The following ALG9 variants were observed in gnomAD, a reference collection of about 807,000 sequenced individuals.
ALG9 encodes the protein alpha-1,2-mannosyltransferase ALG9.
A neutral mutation model predicts 81.8 loss-of-function variants in ALG9; 55 were observed. The observed-to-expected ratio is 0.67, with a 90% confidence interval of 0.54 to 0.84. The LOEUF (loss-of-function observed/expected upper bound fraction) is 0.84. Ranked by LOEUF, ALG9 falls within the 40% of genes least tolerant of loss-of-function variation. ALG9 has a pLI of 0.00. For synonymous variants in ALG9, 278 were observed against 274.3 expected (o/e 1.01, Z -0.13); for missense variants, 629 against 745.0 (o/e 0.84, Z 1.81).
Position 111,800,932 on chromosome 11 carries a change from G to C in ALG9, c.1733+8711C>G, listed in dbSNP as rs535988511. On this transcript the variant is annotated intron_variant, in intron 14 of 14. Coordinates refer to ENST00000616540, the MANE Select transcript of ALG9 (RefSeq NM_024740.2). Reference sequence around the variant, plus strand: ...TAAAAAAAGCAGGGTTAGATTTTAGGAACTTAAACATTTGAGAAATTAACC... The same window carrying C: ...TAAAAAAAGCAGGGTTAGATTTTAGCAACTTAAACATTTGAGAAATTAACC... Among the ~76,000 whole-genome samples, 187 of 152,276 alleles carry C rather than the reference G, an allele frequency of 1.2e-3. 3 individuals are homozygous for C. Among genetic ancestry groups the C allele is most frequent in the Non-Finnish European group, 1.2e-3 (82 of 68,018 alleles).
intron 14 of ALG9, among the ~76,000 whole-genome samples, chr11:111,803,393 C>A (rs932675662): frequency 1.3e-5 from 2 of 151,216 alleles, no homozygotes; most frequent in Admixed American, 1.3e-4. Context: ...CCCAGTTACT[C>A]GGGTGGCTGA....
At chr11:111,844,089 C>A (rs1555126504) in intron 9 of ALG9, among the ~76,000 whole-genome samples, 1 of 152,168 alleles carries the variant, frequency 6.6e-6, no homozygotes, top group African/African-American at 2.4e-5. Context: ...ACTACAACCT[C>A]TGCCTCCTGG....
chr11:111,870,107 T>G (rs1258324035), intron 2 of ALG9, 125 bp downstream of exon 2: 17 of 1,208,848 alleles, frequency 1.4e-5, no homozygotes, highest in Middle Eastern at 2.9e-4. Context: ...TTTTTGTTTT[T>G]TTTTTTAAGA....
intron 14 of ALG9, among the ~76,000 whole-genome samples, chr11:111,794,340 G>A (rs1479814434): frequency 2.6e-5 from 4 of 152,152 alleles, no homozygotes; most frequent in African/African-American, 4.8e-5. Context: ...CTGGAGTGCA[G>A]TGGCATGATC....
chr11:111,793,412 GTTATA>G (rs1479825072), intron 14 of ALG9, among the ~76,000 whole-genome samples: 1 of 152,118 alleles, frequency 6.6e-6, no homozygotes, highest in Non-Finnish European at 1.5e-5. Context: ...ATTTTGAATT[GTTATA>G]TTGTATTGTT....
intron 13 of ALG9, among the ~76,000 whole-genome samples, chr11:111,817,989 G>C (rs1951775569): frequency 6.6e-6 from 1 of 152,048 alleles, no homozygotes; most frequent in African/African-American, 2.4e-5. Context: ...ATGTTGATCA[G>C]GCTGGTCTCA....
intron 13 of ALG9, chr11:111,817,180 T>A (rs782518474): frequency 7.2e-5 from 11 of 152,142 alleles, no homozygotes; most frequent in Non-Finnish European, 1.6e-4. Context: ...ATTTTATGCA[T>A]CAGGAATCTA....
At chr11:111,847,428 A>G (rs1555131478) in intron 8 of ALG9, among the ~76,000 whole-genome samples, 1 of 152,258 alleles carries the variant, frequency 6.6e-6, no homozygotes, top group African/African-American at 2.4e-5. Flanking sequence ...CAAAGTGGCA[A>G]CCTGAGCAGA....
chr11:111,817,587 G>A (rs1223284535), intron 13 of ALG9: 2 of 152,000 alleles, frequency 1.3e-5, no homozygotes, highest in Middle Eastern at 3.2e-3. Context: ...TAAGTAGCTG[G>A]GACAACAGGT....
At chr11:111,791,259 G>A (rs1402001197) in intron 14 of ALG9, among the ~76,000 whole-genome samples, 2 of 152,186 alleles carry the variant, frequency 1.3e-5, no homozygotes, top group African/African-American at 4.8e-5. Flanking sequence ...AACAGATTAT[G>A]AATGATACAT....
At chr11:111,837,403 C>G in intron 12 of ALG9, 65 bp downstream of exon 12, 1 of 1,579,836 alleles carries the variant, frequency 6.3e-7, no homozygotes, top group Non-Finnish European at 8.7e-7. Flanking sequence ...AATTAGAAGA[C>G]ACTGATATAG....
In ALG9 at chr11:111,783,744, C is replaced by G. The variant is rs1191986922; in HGVS notation, c.*2653G>C. 6.6e-6 allele frequency: 1 copy of G among 152,140 alleles called. No individual in the cohort carries two copies. The highest frequency in any genetic ancestry group is 2.4e-5 in the African/African-American group (1 of 41,426). The allele number at this position is 152,140 out of a possible 1,614,324, so 9.4% of individuals were successfully genotyped here. On this transcript the variant is annotated 3_prime_UTR_variant, in exon 15 of 15. Coordinates refer to ENST00000616540, the MANE Select transcript of ALG9 (RefSeq NM_024740.2). ...AACAAAAAACATTCATTTCTATATT[C>G]CTTACCTATAACATTTGGCACAGCG...
Position 111,785,547 on chromosome 11 carries a change from T to C in ALG9, c.*850A>G, listed in dbSNP as rs1946378280. On this transcript the variant is annotated 3_prime_UTR_variant, in exon 15 of 15. Coordinates refer to ENST00000616540, the MANE Select transcript of ALG9 (RefSeq NM_024740.2). ...TCCTCAGCAATGGCCTCAGATTACA[T>C]TACTTAAAAATGTGATGTCATCCAA... 6.5e-6 allele frequency: 1 copy of C among 154,068 alleles called. No individual in the cohort carries two copies. Among genetic ancestry groups the C allele is most frequent in the South Asian group, 2.0e-4 (1 of 4,936 alleles). 9.5% of individuals were successfully genotyped at this position (154,068 alleles called of 1,614,324 possible). A position where few individuals can be genotyped will look rare whatever the true frequency, so the allele number is the denominator to read the frequency against.
At chr11:111,819,735 G>A (rs1361059828) in intron 13 of ALG9, among the ~76,000 whole-genome samples, 1 of 152,212 alleles carries the variant, frequency 6.6e-6, no homozygotes, top group Non-Finnish European at 1.5e-5. Flanking sequence ...AAATCCCTCT[G>A]TGAGCAACTG....
intron 14 of ALG9, among the ~76,000 whole-genome samples, chr11:111,793,571 C>T (rs1480364904): frequency 2.0e-5 from 3 of 151,762 alleles, no homozygotes; most frequent in Admixed American, 6.6e-5. Context: ...ACCATCCTGG[C>T]TAACATGGTG....
downstream of ALG9, among the ~76,000 whole-genome samples, chr11:111,779,833 A>G (rs903103847): frequency 6.6e-6 from 1 of 152,244 alleles, no homozygotes; most frequent in African/African-American, 2.4e-5. Flanking sequence ...TAATTTTAAC[A>G]GACTATTTAT....
intron 1 of ALG9, 66 bp downstream of exon 1, chr11:111,871,286 C>A: frequency 7.3e-7 from 1 of 1,364,478 alleles, no homozygotes; most frequent in Non-Finnish European, 9.3e-7. Flanking sequence ...ACAGCTAAGA[C>A]CCTCCCGGGG....
intron 7 of ALG9, 58 bp downstream of exon 7, chr11:111,853,591 A>T (rs1489477457): frequency 2.5e-6 from 4 of 1,581,844 alleles, no homozygotes; most frequent in Non-Finnish European, 2.6e-6. Flanking sequence ...TCCTTTTTTC[A>T]CATCAAAGTT....
chr11:111,864,274 T>A, intron 4 of ALG9: 2 of 1,137,844 alleles, frequency 1.8e-6, no homozygotes, highest in South Asian at 2.5e-5. Flanking sequence ...CCTCCAGCGT[T>A]GCCGCTATGA....
Sources: allele counts gnomAD v4.1 joint callset (sites outside exome capture counted in the v4.1 genomes callset), GRCh38; gene constraint gnomAD v4.1.1; transcripts MANE v1.5; gene names NCBI Gene and HGNC (gene_info 2026-07-23, HGNC 2026-07-21).